Variants in CAMK2D observed in about 807,000 individuals in gnomAD.
The protein encoded by CAMK2D is calcium/calmodulin-dependent protein kinase type II subunit delta.
In CAMK2D, 37 loss-of-function variants were observed where a neutral mutation model predicts 84.0. The observed-to-expected ratio is 0.44, with a 90% confidence interval of 0.34 to 0.58. The LOEUF is 0.58. CAMK2D is among the 20% of genes least tolerant of loss of function. The pLI is 0.02. For missense variants in CAMK2D, 448 were observed against 652.5 expected (o/e 0.69, Z 3.41); for synonymous variants, 202 against 212.5 (o/e 0.95, Z 0.43).
chr4:113,735,148 CTGCCTTT>C lies in CAMK2D; in HGVS notation c.160+24165_160+24171del, dbSNP rs1482188492. Among the ~76,000 whole-genome samples the C allele has an allele frequency of 2.0e-5, 3 of 151,628 alleles. No individual in the cohort carries two copies. In the East Asian group the frequency reaches 5.8e-4, roughly 29 times the overall value. ...ATACACAGGAAATATATATAAAATT[CTGCCTTT>C]TGCAAACTTGTACAGGCAAGGTGTG... On this transcript the variant is annotated intron_variant, in intron 2 of 20. Transcript: ENST00000511664.
chr4:113,504,981 C>G lies in CAMK2D; in HGVS notation c.1039G>C (p.Ala347Pro). ...TACAAAGAGTCCAGGTATACCAGCG[C>G]TGGGGTAGGAATATTTTCTTTGGGG... Reference protein sequence around the residue: ...TSPKENIPTPALEPQTTVIHN... With the variant: ...TSPKENIPTPPLEPQTTVIHN... Residue 347 changes from alanine (A) to proline (P), a missense_variant, in exon 14 of 21, where the codon GCG becomes CCG. By Grantham distance (27) the Ala-to-Pro change is conservative (BLOSUM62 -1). Coordinates refer to ENST00000511664, the MANE Select transcript of CAMK2D (RefSeq NM_001321571.2). 6.4e-7 allele frequency: 1 copy of G among 1,567,070 alleles called. No homozygotes were observed. The highest frequency in any genetic ancestry group is 2.3e-5 in the East Asian group (1 of 43,912).
At position 113,515,089 on chromosome 4, in the gene CAMK2D, G is replaced by A. The variant is rs369679944; in HGVS notation, c.799C>T (p.Leu267=). The part of the protein sequence containing the change: ...PAKRITASEA[L]KHPWICQRST... ...CTTACACAGATCCATGGGTGCTTCA[G>A]TGCCTCTGAGGCTGTGATGCGTTTG... The change falls in exon 10 of 21, where the codon CTG becomes TTG. Residue 267 remains leucine, a synonymous_variant. Transcript: ENST00000511664. 14 of 1,613,610 alleles carry A rather than the reference G, an allele frequency of 8.7e-6. No homozygotes were observed. In the African/African-American group the frequency reaches 1.7e-4, roughly 20 times the overall value.
intron 4 of CAMK2D, among the ~76,000 whole-genome samples, chr4:113,590,944 T>TA (rs1316242031): frequency 6.6e-6 from 1 of 152,178 alleles, no homozygotes; most frequent in Non-Finnish European, 1.5e-5. Context: ...CTTTTTGACT[T>TA]ATTTAAAATG....
At position 113,460,124 on chromosome 4, in the gene CAMK2D, TATTAA is replaced by T. The variant is rs1341859150; in HGVS notation, c.1306+18_1306+22del. ...TCAGAGAGGTTTAAAAAGGGCATGT[TATTAA>T]ATTAGGAATAAATGTACCATTTTCA... On this transcript the variant is annotated intron_variant, in intron 18 of 20. Coordinates refer to ENST00000511664, the MANE Select transcript of CAMK2D (RefSeq NM_001321571.2). 1 of 1,350,482 alleles carries T rather than the reference TATTAA, an allele frequency of 7.4e-7. No homozygotes were observed. The highest frequency in any genetic ancestry group is 1.7e-5 in the Admixed American group (1 of 59,338). 83.7% of individuals were successfully genotyped at this position (1,350,482 alleles called of 1,614,324 possible).
chr4:113,600,725 C>A (rs535282935), intron 4 of CAMK2D, among the ~76,000 whole-genome samples: 2 of 152,046 alleles, frequency 1.3e-5, no homozygotes, highest in Non-Finnish European at 2.9e-5. Flanking sequence ...CTTGATGAAC[C>A]GGGCTCAAGT....
chr4:113,692,918 T>C (rs936804060), intron 2 of CAMK2D, among the ~76,000 whole-genome samples: 1 of 152,190 alleles, frequency 6.6e-6, no homozygotes, highest in Non-Finnish European at 1.5e-5. Context: ...GTTCTATTAA[T>C]ATAATTTGCA....
chr4:113,535,238 G>A (rs991890502), intron 7 of CAMK2D, among the ~76,000 whole-genome samples: 7 of 152,068 alleles, frequency 4.6e-5, no homozygotes, highest in Non-Finnish European at 8.8e-5. Flanking sequence ...CAGGACTCGA[G>A]TCCTGTCTTT....
In CAMK2D at chr4:113,699,182, A is replaced by T. The variant is rs572965449; in HGVS notation, c.161-37410T>A. 9.2e-5 allele frequency among the ~76,000 whole-genome samples: 14 copies of T among 152,254 alleles called. No individual in the cohort carries two copies. The South Asian group carries it at 2.7e-3, about 29-fold the overall frequency. On this transcript the variant is annotated intron_variant, in intron 2 of 20. Coordinates refer to ENST00000511664, the MANE Select transcript of CAMK2D (RefSeq NM_001321571.2). ...ACAGAGTACAGAAGAGGTTTGCTGG[A>T]AAATATCTGGGGATGGTATATCTCT...
intron 4 of CAMK2D, among the ~76,000 whole-genome samples, chr4:113,593,051 G>A (rs113246383): frequency 0.18 from 26,805 of 151,776 alleles, 2,521 homozygotes; most frequent in African/African-American, 0.23. Context: ...ATTGGGTTTC[G>A]CCATCTTGGC....
chr4:113,577,868 T>C (rs1017986383), intron 4 of CAMK2D, among the ~76,000 whole-genome samples: 1 of 152,126 alleles, frequency 6.6e-6, no homozygotes, highest in African/African-American at 2.4e-5. Flanking sequence ...AGACTCTGTA[T>C]TTGTCATGAA....
chr4:113,554,025 T>G (rs983972707), intron 4 of CAMK2D, among the ~76,000 whole-genome samples: 2 of 152,102 alleles, frequency 1.3e-5, no homozygotes, highest in African/African-American at 4.8e-5. Context: ...ACAGACAATT[T>G]TGGATTGTTA....
chr4:113,702,825 G>A lies in CAMK2D; in HGVS notation c.161-41053C>T, dbSNP rs190661098. ...CAGGAAGCTGAGTCATGAGAACCCA[G>A]GAGGCAGAGGCTACAGTGAGCTGTG... On this transcript the variant is annotated intron_variant, in intron 2 of 20. Coordinates refer to ENST00000511664, the MANE Select transcript of CAMK2D (RefSeq NM_001321571.2). Among the ~76,000 whole-genome samples, 48 of 152,208 alleles carry A rather than the reference G, an allele frequency of 3.2e-4. 1 individual carries two copies. The East Asian group carries it at 7.5e-3, about 24-fold the overall frequency.
rs1173249112 is a variant in CAMK2D, at chr4:113,630,623, C to T, written c.221-21417G>A. Among the ~76,000 whole-genome samples, 5 of 152,120 alleles carry T rather than the reference C, an allele frequency of 3.3e-5. No individual in the cohort carries two copies. In the South Asian group the frequency reaches 1.0e-3, roughly 31 times the overall value. On this transcript the variant is annotated intron_variant, in intron 3 of 20. Transcript: ENST00000511664. The stretch of plus-strand genomic sequence containing the variant: ...CAATAATATATGTCAACTGCCAATG[C>T]CACCAGGACCAATGTCACTTTCATA...
chr4:113,573,289 G>T (rs983219193), intron 4 of CAMK2D, among the ~76,000 whole-genome samples: 1 of 152,162 alleles, frequency 6.6e-6, no homozygotes, highest in Non-Finnish European at 1.5e-5. Flanking sequence ...TAAGTCACCA[G>T]ATTTTATATC....
intron 3 of CAMK2D, among the ~76,000 whole-genome samples, chr4:113,659,703 A>T (rs903174712): frequency 2.0e-5 from 3 of 152,164 alleles, no homozygotes; most frequent in African/African-American, 7.2e-5. Context: ...TGCTTAAGCC[A>T]CCCAGTCTGT....
intron 4 of CAMK2D, among the ~76,000 whole-genome samples, chr4:113,563,512 G>A (rs931444275): frequency 2.6e-5 from 4 of 152,126 alleles, no homozygotes; most frequent in African/African-American, 7.2e-5. Context: ...AGGGAAGGGC[G>A]TGTTGCCAAG....
chr4:113,663,664 G>T (rs1217579128), intron 2 of CAMK2D, among the ~76,000 whole-genome samples: 1 of 150,368 alleles, frequency 6.7e-6, no homozygotes, highest in Non-Finnish European at 1.5e-5. Flanking sequence ...TTTGAATTTT[G>T]TTATGGAGAC....
intron 4 of CAMK2D, among the ~76,000 whole-genome samples, chr4:113,604,444 T>TAA (rs1474081169): frequency 2.6e-5 from 4 of 152,232 alleles, no homozygotes; most frequent in African/African-American, 9.6e-5. Context: ...TTTCTAATGC[T>TAA]TTATTGGATT....
chr4:113,550,220 C>T (rs2098615567), intron 5 of CAMK2D, among the ~76,000 whole-genome samples: 1 of 152,160 alleles, frequency 6.6e-6, no homozygotes, highest in Non-Finnish European at 1.5e-5. Context: ...CACTCTGTCG[C>T]CCAGGCTGGA....
Sources: allele counts gnomAD v4.1 joint callset (sites outside exome capture counted in the v4.1 genomes callset), GRCh38; gene constraint gnomAD v4.1.1; transcripts MANE v1.5; gene names NCBI Gene and HGNC (gene_info 2026-07-23, HGNC 2026-07-21).